Variants in LUZP2 observed in about 807,000 individuals in gnomAD.
The protein encoded by LUZP2 is leucine zipper protein 2.
In LUZP2, 52 loss-of-function variants were observed where a neutral mutation model predicts 51.6. The ratio of observed to expected loss-of-function variants is 1.01; its 90% CI spans 0.81 to 1.27. LUZP2 has a LOEUF of 1.27. Among genes scored for constraint, LUZP2 ranks in the 50% most tolerant of loss-of-function variants. The pLI, the probability that LUZP2 is intolerant of heterozygous loss-of-function variation, is 0.00. For missense variants in LUZP2, 436 were observed against 395.4 expected (o/e 1.10, Z -0.87); for synonymous variants, 154 against 137.3 (o/e 1.12, Z -0.85).
At chr11:25,011,895 AAT>A (rs1856994815) in intron 9 of LUZP2, among the ~76,000 whole-genome samples, 1 of 151,682 alleles carries the variant, frequency 6.6e-6, no homozygotes, top group South Asian at 2.1e-4. Flanking sequence ...TTTAAAATTT[AAT>A]ATATATATTT....
At chr11:24,688,585 T>C (rs1471106131) in intron 1 of LUZP2, among the ~76,000 whole-genome samples, 1 of 152,142 alleles carries the variant, frequency 6.6e-6, no homozygotes, top group Non-Finnish European at 1.5e-5. Context: ...TATGACCTTT[T>C]TATTCACTTT....
At chr11:24,591,074 A>G (rs1443036151) in intron 1 of LUZP2, among the ~76,000 whole-genome samples, 1 of 151,982 alleles carries the variant, frequency 6.6e-6, no homozygotes, top group Non-Finnish European at 1.5e-5. Flanking sequence ...GTGCTACTGC[A>G]CTACAGTGTG....
At position 24,562,707 on chromosome 11, in the gene LUZP2, A is replaced by T. The variant is rs965665627; in HGVS notation, c.62+65402A>T. ...TCTCTACTGAAAAAATACAAAAAAA[A>T]AAAAATTACCTGGGCGTGGTGGTGG... On this transcript the variant is annotated intron_variant, in intron 1 of 11. Coordinates refer to ENST00000336930, the MANE Select transcript of LUZP2 (RefSeq NM_001009909.4). Among the ~76,000 whole-genome samples, 7 of 150,870 alleles carry T rather than the reference A, an allele frequency of 4.6e-5. No homozygotes were observed. In the South Asian group the frequency reaches 1.0e-3, roughly 23 times the overall value.
At chr11:25,015,152 A>T (rs535655296) in intron 9 of LUZP2, among the ~76,000 whole-genome samples, 1 of 152,178 alleles carries the variant, frequency 6.6e-6, no homozygotes, top group Non-Finnish European at 1.5e-5. Flanking sequence ...CGATTTATTT[A>T]GTCATGCTAT....
intron 7 of LUZP2, among the ~76,000 whole-genome samples, chr11:24,963,479 C>G (rs1285444354): frequency 6.6e-6 from 1 of 152,204 alleles, no homozygotes; most frequent in East Asian, 1.9e-4. Context: ...GCGGGTGCCC[C>G]TCCCCCAGCC....
chr11:24,998,018 T>A (rs1856559961), intron 9 of LUZP2, among the ~76,000 whole-genome samples: 1 of 152,226 alleles, frequency 6.6e-6, no homozygotes, highest in Admixed American at 6.5e-5. Flanking sequence ...TTTGGGTTAC[T>A]GTAGCCTTGT....
At chr11:24,697,481 A>G (rs904396954) in intron 1 of LUZP2, among the ~76,000 whole-genome samples, 1 of 152,224 alleles carries the variant, frequency 6.6e-6, no homozygotes, top group Non-Finnish European at 1.5e-5. Flanking sequence ...AGCAGACTCT[A>G]TCTTGCCTCT....
At chr11:24,894,578 T>TC (rs1852974410) in intron 5 of LUZP2, among the ~76,000 whole-genome samples, 2 of 152,082 alleles carry the variant, frequency 1.3e-5, no homozygotes, top group South Asian at 4.1e-4. Context: ...AGTAGTTTTT[T>TC]TTTTTTTCAG....
At chr11:24,970,220 G>A (rs765385116) in intron 7 of LUZP2, among the ~76,000 whole-genome samples, 5 of 152,054 alleles carry the variant, frequency 3.3e-5, no homozygotes, top group Non-Finnish European at 5.9e-5. Context: ...AGACAAATAA[G>A]TTTTAAGGCT....
At chr11:24,605,931 A>ACCT (rs1425616838) in intron 1 of LUZP2, among the ~76,000 whole-genome samples, 6 of 151,782 alleles carry the variant, frequency 4.0e-5, no homozygotes, top group Non-Finnish European at 7.4e-5. Flanking sequence ...GTTTTAGATT[A>ACCT]CATATTAATT....
At chr11:24,677,068 G>A (rs1230113112) in intron 1 of LUZP2, among the ~76,000 whole-genome samples, 1 of 152,048 alleles carries the variant, frequency 6.6e-6, no homozygotes. Flanking sequence ...CTAATAAAAT[G>A]TGTAGCTTTA....
chr11:24,563,814 CATTTT>C (rs1295902887), intron 1 of LUZP2, among the ~76,000 whole-genome samples: 4 of 151,998 alleles, frequency 2.6e-5, no homozygotes, highest in Non-Finnish European at 5.9e-5. Context: ...TTTTGCTCTT[CATTTT>C]ATATCTTCAT....
In LUZP2 at chr11:24,898,182, A is replaced by G. The variant is rs142502388; in HGVS notation, c.397-7809A>G. On this transcript the variant is annotated intron_variant, in intron 5 of 11. Transcript: ENST00000336930. Reference sequence around the variant, plus strand: ...AGAAAATATCCATGAAGAGAAACGTAAGAACTTACATAAATTGGAAGAGTA... The same window carrying G: ...AGAAAATATCCATGAAGAGAAACGTGAGAACTTACATAAATTGGAAGAGTA... Among the ~76,000 whole-genome samples, 10 of 152,316 alleles carry G rather than the reference A, an allele frequency of 6.6e-5. No homozygotes were observed. In the East Asian group the frequency reaches 1.7e-3, roughly 26 times the overall value.
chr11:24,961,013 T>A (rs1855382043), intron 7 of LUZP2, among the ~76,000 whole-genome samples: 1 of 152,136 alleles, frequency 6.6e-6, no homozygotes, highest in South Asian at 2.1e-4. Context: ...TACCCAGTAG[T>A]CATTCAGGAG....
At chr11:24,642,246 G>C (rs1326988869) in intron 1 of LUZP2, among the ~76,000 whole-genome samples, 1 of 151,740 alleles carries the variant, frequency 6.6e-6, no homozygotes, top group Non-Finnish European at 1.5e-5. Flanking sequence ...CTTTAGCAGA[G>C]TTACACAACA....
chr11:24,892,678 A>T (rs1590697465), intron 5 of LUZP2: 1 of 157,218 alleles, frequency 6.4e-6, no homozygotes. Context: ...TTTATTTTAT[A>T]CATAAGAGCT....
At chr11:24,862,406 T>C (rs982633943) in intron 5 of LUZP2, among the ~76,000 whole-genome samples, 2 of 152,106 alleles carry the variant, frequency 1.3e-5, no homozygotes, top group Non-Finnish European at 2.9e-5. Context: ...AAGCACTTAA[T>C]ATGGAAAGAA....
At chr11:24,774,381 T>TATATAC (rs1184772523) in intron 5 of LUZP2, among the ~76,000 whole-genome samples, 35 of 93,976 alleles carry the variant, frequency 3.7e-4, no homozygotes, top group African/African-American at 1.5e-3. Flanking sequence ...TATATATATA[T>TATATAC]ACATACACAC....
At chr11:24,840,474 T>C (rs1218201669) in intron 5 of LUZP2, among the ~76,000 whole-genome samples, 1 of 151,930 alleles carries the variant, frequency 6.6e-6, no homozygotes, top group Non-Finnish European at 1.5e-5. Flanking sequence ...TCCTCTTTTG[T>C]AGATGGGAAA....
Sources: gnomAD v4.1 joint callset for allele counts (sites outside exome capture counted in the v4.1 genomes callset) on GRCh38, gnomAD v4.1.1 for gene constraint, MANE v1.5 for transcripts, NCBI Gene and HGNC (gene_info 2026-07-23, HGNC 2026-07-21) for gene names.